ZNF469: variants seen among roughly 807,000 people sequenced by gnomAD.
The protein encoded by ZNF469 is zinc finger protein 469.
ZNF469 carries 1 observed loss-of-function variant against 1.0 expected under a neutral mutation model. That is an observed-to-expected ratio of 1.00 (90% CI 0.35 to 4.73). The LOEUF is 4.73. Among genes scored for constraint, ZNF469 ranks in the 30% most tolerant of loss-of-function variants. The probability of loss-of-function intolerance (pLI) is 0.16; values close to 1 mark genes in which losing one functional copy is unlikely to be tolerated. For synonymous variants in ZNF469, 2,703 were observed against 2,363.4 expected, an observed-to-expected ratio of 1.14 and a Z score of -4.17; for missense variants, 6,100 against 5,356.3, an observed-to-expected ratio of 1.14 and a Z score of -4.33.
At chr16:88,272,777 G>GATGGATGAACGGGTGGGTGT in the ZNF469 span, among the ~76,000 whole-genome samples, 1 of 151,128 alleles carries the variant, frequency 6.6e-6, no homozygotes, top group African/African-American at 2.4e-5. Context: ...CGAGTGGACA[G>GATGGATGAACGGGTGGGTGT]GTGGATGAAC....
chr16:88,179,426 C>T, the ZNF469 span, among the ~76,000 whole-genome samples: 1 of 152,240 alleles, frequency 6.6e-6, no homozygotes, highest in African/African-American at 2.4e-5. Flanking sequence ...TAAGCAGGAG[C>T]AGCCGGAGGC....
chr16:88,318,355 G>GC, the ZNF469 span, among the ~76,000 whole-genome samples: 3 of 152,180 alleles, frequency 2.0e-5, no homozygotes, highest in Admixed American at 6.5e-5. Flanking sequence ...TGGAGACGCT[G>GC]CCCCCCCTTC....
the ZNF469 span, among the ~76,000 whole-genome samples, chr16:88,275,243 C>T: frequency 6.6e-6 from 1 of 152,290 alleles, no homozygotes; most frequent in Non-Finnish European, 1.5e-5. Context: ...GGGGAGGGGC[C>T]GGCGAGCACC....
chr16:88,318,392 G>A, the ZNF469 span, among the ~76,000 whole-genome samples: 3 of 151,714 alleles, frequency 2.0e-5, no homozygotes, highest in South Asian at 2.1e-4. Context: ...GTGCCCATTC[G>A]GTAAGCGGGG....
Position 88,435,590 on chromosome 16 carries a change from C to CGGA in ZNF469, c.8122_8124dup (p.Glu2708dup). On this transcript the variant is annotated inframe_insertion, in exon 3 of 3. Transcript: ENST00000565624. The stretch of plus-strand genomic sequence containing the variant: ...GGACCTGGGGTGATGGAGGGTGCAG[C>CGGA]GGAGACTGACCAGGAGGCTCTGTGT... 6.5e-7 allele frequency: 1 copy of CGGA among 1,550,070 alleles called. No individual in the cohort carries two copies. The highest frequency in any genetic ancestry group is 1.4e-5 in the African/African-American group (1 of 73,166).
At chr16:88,148,532 C>T in the ZNF469 span, among the ~76,000 whole-genome samples, 14 of 152,168 alleles carry the variant, frequency 9.2e-5, no homozygotes, top group Non-Finnish European at 1.8e-4. Context: ...AGCCTGGCTG[C>T]GGCACCAATG....
chr16:88,305,380 AC>A, the ZNF469 span, among the ~76,000 whole-genome samples: 1 of 146,876 alleles, frequency 6.8e-6, no homozygotes, highest in Admixed American at 6.8e-5. Context: ...ACACGCATGC[AC>A]ACCCTCACAT....
chr16:88,228,212 G>C, the ZNF469 span, among the ~76,000 whole-genome samples: 1 of 152,392 alleles, frequency 6.6e-6, no homozygotes, highest in African/African-American at 2.4e-5. Context: ...GAGGGTGTGG[G>C]CTGTGGAGCA....
chr16:88,116,423 G>A, the ZNF469 span, among the ~76,000 whole-genome samples: 5 of 152,176 alleles, frequency 3.3e-5, no homozygotes, highest in African/African-American at 1.2e-4. Flanking sequence ...CAAATGGCAT[G>A]GCCACTGTAA....
chr16:88,305,574 G>A, the ZNF469 span, among the ~76,000 whole-genome samples: 12 of 120,374 alleles, frequency 1.0e-4, no homozygotes, highest in African/African-American at 3.5e-4. Context: ...GTGCACACAC[G>A]CTCACAGGCA....
At chr16:88,319,797 A>G in the ZNF469 span, among the ~76,000 whole-genome samples, 2 of 151,902 alleles carry the variant, frequency 1.3e-5, no homozygotes, top group East Asian at 3.9e-4. Flanking sequence ...CAGCTAGAGG[A>G]CTCCCCTGCC....
rs1352929472 is a variant in ZNF469 at position 88,434,000 on chromosome 16, A to T, written c.6530A>T (p.Glu2177Val). 1 of 1,550,222 alleles carries T rather than the reference A, an allele frequency of 6.5e-7. No homozygotes were observed. The highest frequency in any genetic ancestry group is 8.7e-7 in the Non-Finnish European group (1 of 1,146,874). The change falls in exon 3 of 3, where the codon GAG (glutamate) becomes GTG (valine). Residue 2177 changes from glutamate to valine, a missense_variant. Physicochemically the swap from Glu to Val is moderately radical, Grantham distance 121. Transcript: ENST00000565624. Reference protein sequence around the residue: ...ACSPAWAPLEEADGVQATTDT... With the variant: ...ACSPAWAPLEVADGVQATTDT... Reference sequence around the variant, plus strand: ...TCTCCTGCCTGGGCACCTCTGGAAGAGGCAGATGGCGTCCAAGCCACGACA... The same window carrying T: ...TCTCCTGCCTGGGCACCTCTGGAAGTGGCAGATGGCGTCCAAGCCACGACA...
the ZNF469 span, among the ~76,000 whole-genome samples, chr16:88,201,317 G>T: frequency 6.6e-6 from 1 of 152,186 alleles, no homozygotes; most frequent in Non-Finnish European, 1.5e-5. The surrounding 1 kb of genome is among the most constrained non-coding windows in gnomAD (Gnocchi z 5.0). Context: ...ACTTTAAAAA[G>T]GTCAAGGCAG....
the ZNF469 span, among the ~76,000 whole-genome samples, chr16:88,307,975 C>G: frequency 6.6e-6 from 1 of 152,222 alleles, no homozygotes; most frequent in Non-Finnish European, 1.5e-5. Flanking sequence ...TCGGCTCTCA[C>G]ATTTAGGTTG....
At chr16:88,220,790 A>G in the ZNF469 span, among the ~76,000 whole-genome samples, 1 of 152,152 alleles carries the variant, frequency 6.6e-6, no homozygotes, top group Non-Finnish European at 1.5e-5. Context: ...TGGGGCCCCT[A>G]CACCCTTGAA....
In ZNF469 at chr16:88,431,385, T is replaced by C; in HGVS notation, c.3915T>C (p.Pro1305=). ...TPGVGSLLGG[P]GGTQAPVSHN... ...GTGTGGGCAGCCTGCTGGGTGGTCC[T>C]GGGGGCACACAGGCCCCAGTCTCCC... The change falls in exon 3 of 3, where the codon CCT becomes CCC. Residue 1305 remains proline, a synonymous_variant. Coordinates refer to ENST00000565624, the MANE Select transcript of ZNF469 (RefSeq NM_001367624.2). The C allele has an allele frequency of 1.3e-6, 2 of 1,550,110 alleles. No homozygotes were observed. Among genetic ancestry groups the C allele is most frequent in the Non-Finnish European group, 1.7e-6 (2 of 1,146,944 alleles).
chr16:88,173,339 T>C, the ZNF469 span, among the ~76,000 whole-genome samples: 7 of 152,238 alleles, frequency 4.6e-5, no homozygotes, highest in African/African-American at 1.4e-4. Flanking sequence ...AAGGAGGCGG[T>C]TGGTGGGGAG....
In ZNF469 at chr16:88,428,915, T is replaced by C. The variant is rs1179042965; in HGVS notation, c.1445T>C (p.Leu482Pro). Residue 482 changes from leucine (L) to proline (P), a missense_variant, in exon 3 of 3, where the codon CTG becomes CCG. Transcript: ENST00000565624. The stretch of plus-strand genomic sequence containing the variant: ...CTCTGCCTCCCCCAGAGTGCCCCCC[T>C]GCCTTGGCCCCAAGTGCTCCCGACC... ...QRLCLPQSAP[L>P]PWPQVLPTAR... 6 of 1,545,798 alleles carry C rather than the reference T, an allele frequency of 3.9e-6. No individual in the cohort carries two copies. Among genetic ancestry groups the C allele is most frequent in the Non-Finnish European group, 3.5e-6 (4 of 1,145,310 alleles).
chr16:88,166,132 G>A, the ZNF469 span, among the ~76,000 whole-genome samples: 4 of 152,160 alleles, frequency 2.6e-5, no homozygotes, highest in South Asian at 4.1e-4. This position sits in a 1 kb window ranked among gnomAD's most constrained non-coding sequence, Gnocchi z 4.5. Flanking sequence ...CAGAGCCTGC[G>A]TTCATTCTCT....
Sources: allele counts gnomAD v4.1 joint callset (sites outside exome capture counted in the v4.1 genomes callset), GRCh38; gene constraint gnomAD v4.1.1; non-coding constraint Gnocchi (gnomAD v3.1); transcripts MANE v1.5; gene names NCBI Gene and HGNC (gene_info 2026-07-23, HGNC 2026-07-21).